Variants in PDE2A observed in about 807,000 individuals in gnomAD.
PDE2A encodes phosphodiesterase 2A.
In PDE2A, 53 loss-of-function variants were observed where a neutral mutation model predicts 133.6. That is an observed-to-expected ratio of 0.40 (90% CI 0.32 to 0.50). The LOEUF is 0.50. Ranked by LOEUF, PDE2A falls within the 20% of genes least tolerant of loss-of-function variation. The pLI is 0.73. For missense variants in PDE2A, 796 were observed against 1,232.4 expected, an observed-to-expected ratio of 0.65 and a Z score of 5.30; for synonymous variants, 491 against 490.2, an observed-to-expected ratio of 1.00 and a Z score of -0.02.
intron 2 of PDE2A, 79 bp downstream of exon 2, chr11:72,642,175 G>C: frequency 7.4e-7 from 1 of 1,355,352 alleles, no homozygotes; most frequent in Non-Finnish European, 9.5e-7. Context: ...CCCTGAGAAG[G>C]GTTCGGGGGC....
At chr11:72,627,898 G>C (rs1488370854) in intron 2 of PDE2A, among the ~76,000 whole-genome samples, 1 of 152,254 alleles carries the variant, frequency 6.6e-6, no homozygotes, top group South Asian at 2.1e-4. Flanking sequence ...ATGATGCAGA[G>C]GCCTGGCCCT....
chr11:72,581,830 G>A (rs1448250711), intron 22 of PDE2A, 47 bp downstream of exon 22: 2 of 1,551,034 alleles, frequency 1.3e-6, no homozygotes, highest in African/African-American at 1.4e-5. Flanking sequence ...TGTGACAGTA[G>A]AGGAAAGAGG....
At chr11:72,579,410 C>T (rs1476802604) in intron 26 of PDE2A, 27 bp from the exon 27 acceptor site, 2 of 1,588,828 alleles carry the variant, frequency 1.3e-6, no homozygotes, top group South Asian at 2.2e-5. Context: ...GGTGTCATGC[C>T]CTCCTACTGG....
chr11:72,664,662 C>A (rs1271588920), intron 1 of PDE2A, among the ~76,000 whole-genome samples: 1 of 151,314 alleles, frequency 6.6e-6, no homozygotes, highest in Non-Finnish European at 1.5e-5. Context: ...TGTGAGCCAC[C>A]GTGCCCGGCC....
In PDE2A at chr11:72,577,499, A is replaced by G; in HGVS notation, c.2711T>C (p.Ile904Thr). Residue 904 changes from isoleucine to threonine, a missense_variant, in exon 31 of 31, where the codon ATC (isoleucine) becomes ACC (threonine). Ile to Thr is a moderately conservative substitution (Grantham distance 89). Around this residue, in one of 7 missense-constraint regions of PDE2A, gnomAD observed 83 missense variants for 99.0 expected, o/e 0.84. Coordinates refer to ENST00000334456, the MANE Select transcript of PDE2A (RefSeq NM_002599.5). ...HWTKVSHKFTIRGLPSNNSLD... is the reference protein window; with the variant it reads ...HWTKVSHKFTTRGLPSNNSLD... ...CGAGTTGTTACTTGGGAGGCCGCGG[A>G]TGGTGAACTTGTGGGACACCTTGGT... The G allele has an allele frequency of 6.2e-7, 1 of 1,613,620 alleles. No homozygotes were observed. The highest frequency in any genetic ancestry group is 8.5e-7 in the Non-Finnish European group (1 of 1,179,992).
intron 1 of PDE2A, 26 bp downstream of exon 1, chr11:72,674,111 C>T: frequency 6.2e-7 from 1 of 1,608,934 alleles, no homozygotes; most frequent in Non-Finnish European, 8.5e-7. Flanking sequence ...CAGCCGCTCA[C>T]CACCCCAGCC....
At chr11:72,630,130 C>CG (rs1858302185) in intron 2 of PDE2A, among the ~76,000 whole-genome samples, 1 of 152,046 alleles carries the variant, frequency 6.6e-6, no homozygotes, top group Non-Finnish European at 1.5e-5. Context: ...AAGGCATGGT[C>CG]GGGGGGTGGG....
At position 72,597,074 on chromosome 11, in the gene PDE2A, G is replaced by A. The variant is rs932018571; in HGVS notation, c.434-426C>T. ...AGACCTAGAGAGACTGAGACACGAG[G>A]CAGAGAGGGACATGGCGGACAGGAG... On this transcript the variant is annotated intron_variant, in intron 5 of 30. Coordinates refer to ENST00000334456, the MANE Select transcript of PDE2A (RefSeq NM_002599.5). This position sits in a 1 kb window ranked among gnomAD's most constrained non-coding sequence, Gnocchi z 4.6. Among the ~76,000 whole-genome samples, 1 of 152,114 alleles carries A rather than the reference G, an allele frequency of 6.6e-6. No individual in the cohort carries two copies. Among genetic ancestry groups the A allele is most frequent in the African/African-American group, 2.4e-5 (1 of 41,404 alleles).
intron 2 of PDE2A, 147 bp downstream of exon 2, chr11:72,642,107 G>A: frequency 8.5e-7 from 1 of 1,171,586 alleles, no homozygotes; most frequent in Non-Finnish European, 1.1e-6. Context: ...AAGGGCTCTT[G>A]GTCTGCGCTG....
intron 1 of PDE2A, among the ~76,000 whole-genome samples, chr11:72,642,778 G>A (rs1859017429): frequency 6.8e-6 from 1 of 146,578 alleles, no homozygotes; most frequent in Non-Finnish European, 1.5e-5. Flanking sequence ...CCGGGGCCCG[G>A]CCAGAGCCCC....
rs111736117 is a variant in PDE2A, at chr11:72,630,031, G to A, written c.144+12223C>T. Among the ~76,000 whole-genome samples the A allele has an allele frequency of 6.6e-5, 10 of 151,972 alleles. No homozygotes were observed. The Middle Eastern group carries it at 0.01, about 155-fold the overall frequency. On this transcript the variant is annotated intron_variant, in intron 2 of 30. Transcript: ENST00000334456. ...ACACACACACACCCTCCTCTGTGCCGATCTTCAACATCAGCAGCCCACCTT... is the reference window on the plus strand; with the variant it reads ...ACACACACACACCCTCCTCTGTGCCAATCTTCAACATCAGCAGCCCACCTT...
Position 72,602,151 on chromosome 11 carries a change from C to G in PDE2A, c.323+2987G>C, listed in dbSNP as rs118017425. The stretch of plus-strand genomic sequence containing the variant: ...GGCTGAGATGAAAGTGGAGCAGGGA[C>G]GGTCTTTGCAAGGGAGCAAGCAGCC... On this transcript the variant is annotated intron_variant, in intron 4 of 30. Coordinates refer to ENST00000334456, the MANE Select transcript of PDE2A (RefSeq NM_002599.5). 6.0e-4 allele frequency among the ~76,000 whole-genome samples: 91 copies of G among 152,292 alleles called. 1 individual carries two copies. In the East Asian group the frequency reaches 0.016, roughly 27 times the overall value.
chr11:72,581,976 G>A (rs1455396167), intron 21 of PDE2A, 29 bp from the exon 22 acceptor site: 3 of 1,587,522 alleles, frequency 1.9e-6, no homozygotes, highest in Non-Finnish European at 1.7e-6. Flanking sequence ...GGTATCAGAG[G>A]GGCTGCCAGT....
chr11:72,622,681 C>T (rs893500782), intron 2 of PDE2A, among the ~76,000 whole-genome samples: 1 of 152,070 alleles, frequency 6.6e-6, no homozygotes, highest in Non-Finnish European at 1.5e-5. Flanking sequence ...TGGTGGGTGC[C>T]AGGAGCTGGA....
Position 72,639,189 on chromosome 11 carries a change from G to A in PDE2A, c.144+3065C>T, listed in dbSNP as rs187034829. 7.7e-4 allele frequency among the ~76,000 whole-genome samples: 118 copies of A among 152,314 alleles called. 1 individual carries two copies. Among genetic ancestry groups the A allele is most frequent in the African/African-American group, 2.7e-3 (114 of 41,564 alleles). ...TGACCTCGATCCCCCTACAGACTGC[G>A]TCAGTCTAGAGGGTCCCCAAAGGTG... is the stretch of plus-strand genomic sequence containing the variant. On this transcript the variant is annotated intron_variant, in intron 2 of 30. Coordinates refer to ENST00000334456, the MANE Select transcript of PDE2A (RefSeq NM_002599.5).
intron 30 of PDE2A, among the ~76,000 whole-genome samples, chr11:72,577,832 C>G (rs529684581): frequency 6.6e-6 from 1 of 152,040 alleles, no homozygotes; most frequent in Non-Finnish European, 1.5e-5. Flanking sequence ...ATTAGCTGGG[C>G]GTGGTGGTGC....
At chr11:72,628,001 A>G (rs1858171116) in intron 2 of PDE2A, among the ~76,000 whole-genome samples, 1 of 152,222 alleles carries the variant, frequency 6.6e-6, no homozygotes, top group Non-Finnish European at 1.5e-5. Flanking sequence ...GGTGTGCTGA[A>G]CACACGCCTG....
Position 72,581,289 on chromosome 11 carries a change from G to A in PDE2A, c.2045+68C>T, listed in dbSNP as rs1855713994. 1.2e-5 allele frequency: 17 copies of A among 1,468,798 alleles called. No homozygotes were observed. The South Asian group carries it at 1.9e-4, about 16-fold the overall frequency. The allele number at this position is 1,468,798 out of a possible 1,614,324, so 91.0% of individuals were successfully genotyped here. ...GCGTGTAAAGTGCCTGACACACAGGGGGTGCTTCCCTGTCCCAGGGAGGGG... is the reference window on the plus strand; with the variant it reads ...GCGTGTAAAGTGCCTGACACACAGGAGGTGCTTCCCTGTCCCAGGGAGGGG... On this transcript the variant is annotated intron_variant, in intron 23 of 30. Coordinates refer to ENST00000334456, the MANE Select transcript of PDE2A (RefSeq NM_002599.5).
intron 1 of PDE2A, among the ~76,000 whole-genome samples, chr11:72,663,042 C>T (rs1404630361): frequency 6.6e-6 from 1 of 152,190 alleles, no homozygotes; most frequent in Non-Finnish European, 1.5e-5. Context: ...ACCTGGAAAA[C>T]TCTCAGTTGT....
Sources: gnomAD v4.1 joint callset for allele counts (sites outside exome capture counted in the v4.1 genomes callset) on GRCh38, gnomAD v4.1.1 for gene constraint, gnomAD v4.1.1 regional missense constraint, Gnocchi (gnomAD v3.1) non-coding constraint, MANE v1.5 for transcripts, NCBI Gene and HGNC (gene_info 2026-07-23, HGNC 2026-07-21) for gene names.